The following GALNT16 variants were observed in gnomAD, a reference collection of about 807,000 sequenced individuals.
The protein encoded by GALNT16 is UDP-GalNAc:polypeptide N-acetylgalactosaminyltransferase-like protein 1.
GALNT16 carries 40 observed loss-of-function variants against 76.1 expected under a neutral mutation model. That is an observed-to-expected ratio of 0.53 (90% confidence interval 0.41 to 0.68). The LOEUF is 0.68. GALNT16 is among the 30% of genes least tolerant of loss of function. The pLI is 0.00. For missense variants in GALNT16, 621 were observed against 731.9 expected (o/e 0.85, Z 1.75); for synonymous variants, 276 against 285.2 (o/e 0.97, Z 0.32).
chr14:69,350,481 A>C (rs929245805), intron 14 of GALNT16: 14 of 152,296 alleles, frequency 9.2e-5, no homozygotes, highest in African/African-American at 3.4e-4. Flanking sequence ...AAGGACTAGA[A>C]GAGCATGAAG....
the GALNT16 span, among the ~76,000 whole-genome samples, chr14:69,385,994 C>T: frequency 6.6e-6 from 1 of 152,206 alleles, no homozygotes; most frequent in African/African-American, 2.4e-5. Flanking sequence ...TACTTCAGGA[C>T]TTCTACACTA....
chr14:69,298,927 A>G (rs1890942), intron 1 of GALNT16, among the ~76,000 whole-genome samples: 111,440 of 152,202 alleles, frequency 0.73, 42,124 homozygotes, highest in East Asian at 1. Context: ...CCGACACTCA[A>G]CTCTGGACAT....
At position 69,324,709 on chromosome 14, in the gene GALNT16, A is replaced by C. The variant is rs757146861; in HGVS notation, c.353A>C (p.Tyr118Ser). ...CTTCTCAGCTGCCCATCTGTGTCCT[A>C]CTCCTCGGACCTGCCAGCCACCAGC... ...TRHYSCPSVS[Y>S]SSDLPATSVI... is the part of the protein sequence containing the mutation. The change falls in exon 3 of 15, where the codon TAC becomes TCC. Residue 118 changes from tyrosine (Y) to serine (S), a missense_variant. Coordinates refer to ENST00000448469, the MANE Select transcript of GALNT16 (RefSeq NM_001168368.2). 2 of 1,609,456 alleles carry C rather than the reference A, an allele frequency of 1.2e-6. No homozygotes were observed. Among genetic ancestry groups the C allele is most frequent in the Non-Finnish European group, 1.7e-6 (2 of 1,177,162 alleles).
chr14:69,280,719 C>T (rs1418119521), intron 1 of GALNT16, among the ~76,000 whole-genome samples: 2 of 152,118 alleles, frequency 1.3e-5, no homozygotes, highest in African/African-American at 4.8e-5. Flanking sequence ...CTGGATGAGG[C>T]CCATGGAGGT....
At chr14:69,279,887 T>A (rs899195497) in intron 1 of GALNT16, among the ~76,000 whole-genome samples, 1 of 152,232 alleles carries the variant, frequency 6.6e-6, no homozygotes, top group African/African-American at 2.4e-5. Flanking sequence ...AACTTCACCC[T>A]GAAGCTGGTA....
At chr14:69,288,302 C>A (rs867345446) in intron 1 of GALNT16, among the ~76,000 whole-genome samples, 3 of 152,228 alleles carry the variant, frequency 2.0e-5, no homozygotes, top group African/African-American at 7.2e-5. Flanking sequence ...CCCACTACCC[C>A]CTGCTGCGTC....
Position 69,333,508 on chromosome 14 carries a change from T to C in GALNT16, c.875T>C (p.Ile292Thr). 6.2e-7 allele frequency: 1 copy of C among 1,608,414 alleles called. No homozygotes were observed. Among genetic ancestry groups the C allele is most frequent in the Non-Finnish European group, 8.5e-7 (1 of 1,175,344 alleles). Residue 292 changes from isoleucine to threonine, a missense_variant, in exon 9 of 15, where the codon ATA becomes ACA. Transcript: ENST00000448469. The surrounding 1 kb of genome is among the most constrained non-coding windows in gnomAD (Gnocchi z 4.2). ...CTCCTTGCTCCCAGGACGCCTGTCATAGCTGGAGGAATCTTCGTGATCGAC... is the reference window on the plus strand; with the variant it reads ...CTCCTTGCTCCCAGGACGCCTGTCACAGCTGGAGGAATCTTCGTGATCGAC... Reference protein sequence around the residue: ...DPTRPIRTPVIAGGIFVIDKS... With the variant: ...DPTRPIRTPVTAGGIFVIDKS...
intron 1 of GALNT16, among the ~76,000 whole-genome samples, chr14:69,316,774 T>TGGGGG (rs765892301): frequency 1.6e-4 from 7 of 42,614 alleles, no homozygotes; most frequent in African/African-American, 3.3e-4. Flanking sequence ...TTGTAGTCTG[T>TGGGGG]GAGGGGGGGG....
chr14:69,264,819 C>CTTTTTTTTTTTTTTTTTTTTTTTT lies in GALNT16; in HGVS notation c.177+4363_177+4364insTTTTTTTTTTTTTTTTTTTTTTTT, dbSNP rs60818532. Reference sequence around the variant, plus strand: ...TTTATTTTCTCTTTTCTTTTTCTTTCTTTTTTTTTTTGGACACAGGGTCTC... The same window carrying CTTTTTTTTTTTTTTTTTTTTTTTT: ...TTTATTTTCTCTTTTCTTTTTCTTTCTTTTTTTTTTTTTTTTTTTTTTTTTTTTTTTTTTTGGACACAGGGTCTC... On this transcript the variant is annotated intron_variant, in intron 1 of 14. Transcript: ENST00000448469. Among the ~76,000 whole-genome samples, 138 of 96,556 alleles carry CTTTTTTTTTTTTTTTTTTTTTTTT rather than the reference C, an allele frequency of 1.4e-3. 12 individuals carry two copies. Among genetic ancestry groups the CTTTTTTTTTTTTTTTTTTTTTTTT allele is most frequent in the East Asian group, 6.0e-3 (14 of 2,318 alleles). The allele number at this position is 96,556 out of a possible 152,430, so 63.3% of individuals were successfully genotyped here.
chr14:69,346,987 T>C lies in GALNT16; in HGVS notation c.1272-53T>C. 1.9e-6 allele frequency: 3 copies of C among 1,610,262 alleles called. No individual in the cohort carries two copies. The South Asian group carries it at 3.3e-5, about 18-fold the overall frequency. On this transcript the variant is annotated intron_variant, in intron 12 of 14. Coordinates refer to ENST00000448469, the MANE Select transcript of GALNT16 (RefSeq NM_001168368.2). ...GGATGCTGACGTCTGGCAGAGGGTG[T>C]AGGTAAGCCTTGGGGGGGAAAGCAC... is the stretch of plus-strand genomic sequence containing the variant.
At chr14:69,293,491 A>T (rs1198261505) in intron 1 of GALNT16, among the ~76,000 whole-genome samples, 1 of 152,186 alleles carries the variant, frequency 6.6e-6, no homozygotes. Context: ...TTTATTGAGC[A>T]CTTATTGTAT....
At chr14:69,272,599 A>G (rs950819655) in intron 1 of GALNT16, among the ~76,000 whole-genome samples, 3 of 152,172 alleles carry the variant, frequency 2.0e-5, no homozygotes, top group African/African-American at 4.8e-5. Flanking sequence ...CTACATGTAC[A>G]GTGTTTATAA....
intron 1 of GALNT16, among the ~76,000 whole-genome samples, chr14:69,296,818 T>C (rs1044524797): frequency 3.3e-4 from 19 of 57,094 alleles, no homozygotes; most frequent in Admixed American, 9.9e-4. Flanking sequence ...GATAGATAGA[T>C]AGATAGATAG....
intron 1 of GALNT16, among the ~76,000 whole-genome samples, chr14:69,316,175 AGAT>A (rs1270012421): frequency 6.6e-6 from 1 of 152,222 alleles, no homozygotes; most frequent in Non-Finnish European, 1.5e-5. Flanking sequence ...GTGGGGAAGA[AGAT>A]CTCCAAGACA....
At chr14:69,262,353 G>A (rs934006070) in intron 1 of GALNT16, among the ~76,000 whole-genome samples, 1 of 152,176 alleles carries the variant, frequency 6.6e-6, no homozygotes, top group Non-Finnish European at 1.5e-5. Flanking sequence ...CACTGGGAGG[G>A]CCGCTCACAT....
At chr14:69,283,889 A>G (rs1037277859) in intron 1 of GALNT16, among the ~76,000 whole-genome samples, 2 of 152,150 alleles carry the variant, frequency 1.3e-5, no homozygotes, top group African/African-American at 2.4e-5. Flanking sequence ...CATGAACTGT[A>G]CAGGGGGCTG....
At chr14:69,350,107 G>A (rs1210939616) in intron 14 of GALNT16, 1 of 152,262 alleles carries the variant, frequency 6.6e-6, no homozygotes, top group Non-Finnish European at 1.5e-5. Flanking sequence ...AGCTACTCAG[G>A]AGGCTGAGAC....
At chr14:69,348,116 G>A in intron 14 of GALNT16, 114 bp downstream of exon 14, 2 of 1,057,772 alleles carry the variant, frequency 1.9e-6, no homozygotes, top group Non-Finnish European at 2.8e-6. Context: ...TTCAGAGCGA[G>A]GATCTGTGGG....
intron 12 of GALNT16, among the ~76,000 whole-genome samples, chr14:69,344,479 A>G (rs115272418): frequency 2.9e-3 from 445 of 152,352 alleles, no homozygotes; most frequent in Middle Eastern, 6.8e-3. Context: ...AGAGACCCAT[A>G]GAGAAGGAAG....
Sources: allele counts gnomAD v4.1 joint callset (sites outside exome capture counted in the v4.1 genomes callset), GRCh38; gene constraint gnomAD v4.1.1; non-coding constraint Gnocchi (gnomAD v3.1); transcripts MANE v1.5; gene names NCBI Gene and HGNC (gene_info 2026-07-23, HGNC 2026-07-21).